GADL1: variants seen among roughly 807,000 people sequenced by gnomAD.
GADL1 encodes acidic amino acid decarboxylase GADL1.
In GADL1, 71 loss-of-function variants were observed where a neutral mutation model predicts 69.5. The observed-to-expected ratio is 1.02, with a 90% CI of 0.84 to 1.25. The LOEUF is 1.25. Ranked by LOEUF, GADL1 falls within the 50% of genes most tolerant of loss-of-function variation. GADL1 has a pLI of 0.00. For missense variants in GADL1, 737 were observed against 631.8 expected (o/e 1.17, Z -1.79); for synonymous variants, 254 against 214.4 (o/e 1.18, Z -1.62).
chr3:30,840,106 C>T (rs1320661780), intron 8 of GADL1, among the ~76,000 whole-genome samples: 2 of 152,040 alleles, frequency 1.3e-5, no homozygotes, highest in African/African-American at 4.8e-5. Context: ...AAGTTTAGTG[C>T]CTCTAAAAGT....
chr3:30,755,201 C>CAT (rs1695939004), intron 14 of GADL1, among the ~76,000 whole-genome samples: 2 of 152,114 alleles, frequency 1.3e-5, no homozygotes, highest in African/African-American at 2.4e-5. Context: ...TAAATCATAT[C>CAT]ATTTATATTT....
chr3:30,765,125 G>GGT (rs1696239818), intron 14 of GADL1, among the ~76,000 whole-genome samples: 1 of 151,756 alleles, frequency 6.6e-6, no homozygotes, highest in African/African-American at 2.4e-5. Context: ...GCAAGACAGA[G>GGT]GTAGTTCCCT....
chr3:30,864,824 A>C (rs775091551), intron 1 of GADL1, among the ~76,000 whole-genome samples: 19 of 151,940 alleles, frequency 1.3e-4, no homozygotes, highest in Admixed American at 1.2e-3. Context: ...CACTTTTACT[A>C]CCTTAGTTCA....
intron 14 of GADL1, among the ~76,000 whole-genome samples, chr3:30,734,235 A>C (rs1446679896): frequency 6.6e-6 from 1 of 152,160 alleles, no homozygotes; most frequent in African/African-American, 2.4e-5. Flanking sequence ...TTTTAGTTTC[A>C]ATTTTTGTTT....
chr3:30,800,086 AT>A, intron 12 of GADL1: 1 of 153,286 alleles, frequency 6.5e-6, no homozygotes, highest in Non-Finnish European at 1.5e-5. Context: ...TCGCTTCCAC[AT>A]TTTTGGGTAT....
chr3:30,738,873 A>T (rs949547803), intron 14 of GADL1, among the ~76,000 whole-genome samples: 1 of 152,134 alleles, frequency 6.6e-6, no homozygotes, highest in Admixed American at 6.5e-5. Flanking sequence ...GAAAATTATG[A>T]TTCATTTTCT....
At chr3:30,751,435 T>C (rs1695813847) in intron 14 of GADL1, among the ~76,000 whole-genome samples, 1 of 149,414 alleles carries the variant, frequency 6.7e-6, no homozygotes, top group African/African-American at 2.5e-5. Context: ...TTGTCTTTCA[T>C]TGCTTCTTTT....
intron 14 of GADL1, among the ~76,000 whole-genome samples, chr3:30,768,413 A>AG (rs1378697332): frequency 6.6e-6 from 1 of 152,176 alleles, no homozygotes; most frequent in African/African-American, 2.4e-5. Flanking sequence ...ATGAGGAAAG[A>AG]GACAGTGAAG....
At chr3:30,757,693 TTAG>T (rs1266907607) in intron 14 of GADL1, among the ~76,000 whole-genome samples, 4 of 152,064 alleles carry the variant, frequency 2.6e-5, no homozygotes, top group Non-Finnish European at 4.4e-5. Context: ...GTTCTTGGGA[TTAG>T]TAGATCAGAT....
At chr3:30,866,676 C>A (rs1680161538) in intron 1 of GADL1, among the ~76,000 whole-genome samples, 1 of 152,000 alleles carries the variant, frequency 6.6e-6, no homozygotes, top group African/African-American at 2.4e-5. Context: ...GCTTCCTCCA[C>A]CATGTTCAGA....
intron 11 of GADL1, among the ~76,000 whole-genome samples, chr3:30,808,497 CAA>C (rs58653600): frequency 7.1e-5 from 10 of 140,346 alleles, no homozygotes; most frequent in Non-Finnish European, 1.1e-4. Flanking sequence ...GACTCTATCT[CAA>C]AAAAAAAAAA....
At chr3:30,775,124 C>T (rs1337043544) in intron 14 of GADL1, among the ~76,000 whole-genome samples, 2 of 152,164 alleles carry the variant, frequency 1.3e-5, no homozygotes, top group African/African-American at 2.4e-5. Flanking sequence ...TGTTAGGCTA[C>T]AGTGATTGTG....
chr3:30,867,200 G>A (rs1163534039), intron 1 of GADL1, among the ~76,000 whole-genome samples: 2 of 151,884 alleles, frequency 1.3e-5, no homozygotes, highest in Admixed American at 6.6e-5. Context: ...GTGGAGCCTA[G>A]GATCTAAAAT....
chr3:30,776,464 T>C (rs1696537923), intron 14 of GADL1, among the ~76,000 whole-genome samples: 1 of 152,222 alleles, frequency 6.6e-6, no homozygotes, highest in Admixed American at 6.5e-5. Context: ...TGCTATTTTG[T>C]GTGTGACAAA....
intron 2 of GADL1, among the ~76,000 whole-genome samples, chr3:30,861,278 G>T (rs1406494678): frequency 6.6e-6 from 1 of 151,386 alleles, no homozygotes; most frequent in Admixed American, 6.6e-5. Flanking sequence ...GAGATTAGCA[G>T]GTTACTTATC....
At chr3:30,746,996 A>C (rs1692982449) in intron 14 of GADL1, among the ~76,000 whole-genome samples, 1 of 152,160 alleles carries the variant, frequency 6.6e-6, no homozygotes, top group Non-Finnish European at 1.5e-5. Flanking sequence ...TCCACTCTTT[A>C]TCCTCACAGG....
rs750517523 is a variant in GADL1 at position 30,844,392 on chromosome 3, A to C, written c.726T>G (p.Asp242Glu). 13 of 1,611,658 alleles carry C rather than the reference A, an allele frequency of 8.1e-6. No homozygotes were observed. In the South Asian group the frequency reaches 1.4e-4, roughly 18 times the overall value. ...GTENVCFVETDGRGKMIPEEL... is the reference protein window; with the variant it reads ...GTENVCFVETEGRGKMIPEEL... ...CCAGATCCTGTTCCCATTACCTTCC[A>C]TCTGTTTCCACAAAGCAAACATTCT... The change falls in exon 7 of 15, where the codon GAT becomes GAG. Residue 242 changes from aspartate (D) to glutamate (E), a missense_variant. Coordinates refer to ENST00000282538, the MANE Select transcript of GADL1 (RefSeq NM_207359.3).
chr3:30,779,739 A>G (rs1309001204), intron 13 of GADL1, among the ~76,000 whole-genome samples: 2 of 152,224 alleles, frequency 1.3e-5, no homozygotes, highest in East Asian at 3.8e-4. Flanking sequence ...ATCTGTCACT[A>G]GATTGTGTTA....
At chr3:30,836,176 G>A (rs1000070448) in intron 9 of GADL1, among the ~76,000 whole-genome samples, 21 of 151,998 alleles carry the variant, frequency 1.4e-4, no homozygotes, top group East Asian at 3.9e-4. Context: ...CTGTTTGCTC[G>A]CTCACACTTT....
Sources: allele counts gnomAD v4.1 joint callset (sites outside exome capture counted in the v4.1 genomes callset), GRCh38; gene constraint gnomAD v4.1.1; transcripts MANE v1.5; gene names NCBI Gene and HGNC (gene_info 2026-07-23, HGNC 2026-07-21).